The following DIP2B variants were observed in gnomAD, a reference collection of about 807,000 sequenced individuals.
DIP2B encodes DIP2 acetate--CoA ligase B (putative).
A neutral mutation model predicts 198.0 loss-of-function variants in DIP2B; 76 were observed. The observed-to-expected ratio is 0.38, with a 90% CI of 0.32 to 0.46. DIP2B has a LOEUF of 0.46. Among genes scored for constraint, DIP2B ranks in the 20% least tolerant of loss-of-function variants. The probability of loss-of-function intolerance (pLI) is 0.99; values close to 1 mark genes in which losing one functional copy is unlikely to be tolerated. For synonymous variants in DIP2B, 701 were observed against 739.1 expected (o/e 0.95, Z 0.84); for missense variants, 1,559 against 1,978.4 (o/e 0.79, Z 4.02).
intron 4 of DIP2B, among the ~76,000 whole-genome samples, chr12:50,663,536 A>G (rs974753584): frequency 7.3e-5 from 10 of 136,202 alleles, no homozygotes; most frequent in African/African-American, 2.8e-4. Context: ...AGCCTGGGCA[A>G]CAGAGCCAGA....
intron 1 of DIP2B, among the ~76,000 whole-genome samples, chr12:50,532,112 A>G (rs1337387756): frequency 1.3e-5 from 2 of 152,228 alleles, no homozygotes; most frequent in Non-Finnish European, 2.9e-5. Flanking sequence ...CTGCTGAAAC[A>G]GAAGGGAAGA....
Position 50,675,262 on chromosome 12 carries a change from G to A in DIP2B, c.797-67G>A. ...CATCCTTAGAAATAAAAGCTCCTGA[G>A]GGAACTGAGGAACTAAAATATCCTT... On this transcript the variant is annotated intron_variant, in intron 6 of 37. Coordinates refer to ENST00000301180, the MANE Select transcript of DIP2B (RefSeq NM_173602.3). The A allele has an allele frequency of 5.1e-6, 8 of 1,569,320 alleles. No homozygotes were observed. In the South Asian group the frequency reaches 8.3e-5, roughly 16 times the overall value.
intron 19 of DIP2B, among the ~76,000 whole-genome samples, chr12:50,699,771 G>C (rs1939384604): frequency 6.6e-6 from 1 of 151,952 alleles, no homozygotes; most frequent in African/African-American, 2.4e-5. Context: ...GCTGAGGCAG[G>C]AGGATCCCTT....
At chr12:50,714,248 T>C in intron 22 of DIP2B, 147 bp from the exon 23 acceptor site, 1 of 748,376 alleles carries the variant, frequency 1.3e-6, no homozygotes, top group South Asian at 1.8e-5. Flanking sequence ...AATCTCTAGA[T>C]ATATGGAATC....
At chr12:50,553,541 A>G (rs929829403) in intron 1 of DIP2B, among the ~76,000 whole-genome samples, 13 of 152,338 alleles carry the variant, frequency 8.5e-5, no homozygotes, top group African/African-American at 3.1e-4. Flanking sequence ...TGAATTAAGC[A>G]TCTGGAGGCA....
chr12:50,671,521 C>T, intron 5 of DIP2B, 123 bp downstream of exon 5: 1 of 931,084 alleles, frequency 1.1e-6, no homozygotes, highest in South Asian at 1.7e-5. Flanking sequence ...TTAGAGAAAA[C>T]ATGACAGTTA....
chr12:50,642,612 C>G (rs1462592644), intron 3 of DIP2B, among the ~76,000 whole-genome samples: 2 of 152,076 alleles, frequency 1.3e-5, no homozygotes, highest in African/African-American at 4.8e-5. Flanking sequence ...ACAGTGAAAC[C>G]CCATCTCTAT....
intron 1 of DIP2B, among the ~76,000 whole-genome samples, chr12:50,553,575 A>G (rs1472188407): frequency 2.0e-5 from 3 of 152,212 alleles, no homozygotes; most frequent in Non-Finnish European, 4.4e-5. Context: ...CTAAACAGGA[A>G]TGTGATTCTG....
At position 50,724,997 on chromosome 12, in the gene DIP2B, C is replaced by A. The variant is rs904879286; in HGVS notation, c.3400+111C>A. ...ACCCTGCCTTTATGTCTTCTGCCTG[C>A]TAAGACAGAGGCAAAACCTAGGATC... On this transcript the variant is annotated intron_variant, in intron 28 of 37. Coordinates refer to ENST00000301180, the MANE Select transcript of DIP2B (RefSeq NM_173602.3). 17 of 1,096,722 alleles carry A rather than the reference C, an allele frequency of 1.6e-5. No homozygotes were observed. In the African/African-American group the frequency reaches 2.2e-4, roughly 14 times the overall value. 67.9% of individuals were successfully genotyped at this position (1,096,722 alleles called of 1,614,324 possible). A position where few individuals can be genotyped will look rare whatever the true frequency, so the allele number is the denominator to read the frequency against.
At chr12:50,600,894 TCACCACCACCACCACCAC>T (rs34616785) in intron 1 of DIP2B, among the ~76,000 whole-genome samples, 6 of 121,500 alleles carry the variant, frequency 4.9e-5, no homozygotes, top group African/African-American at 1.9e-4. Context: ...ATGACCACCA[TCACCACCACCACCACCAC>T]CACCACCACC....
At position 50,742,107 on chromosome 12, in the gene DIP2B, CTG is replaced by C. The variant is rs1940254812; in HGVS notation, c.4478+571_4478+572del. Among the ~76,000 whole-genome samples the C allele has an allele frequency of 2.0e-5, 3 of 152,120 alleles. No homozygotes were observed. In the South Asian group the frequency reaches 6.2e-4, roughly 32 times the overall value. On this transcript the variant is annotated intron_variant, in intron 37 of 37. Transcript: ENST00000301180. ...TGACTTAAAATCTGTAAAATTAAAACTGTGGTTTGGCCGGCCACAGTGGCTCA... is the reference window on the plus strand; with the variant it reads ...TGACTTAAAATCTGTAAAATTAAAACTGGTTTGGCCGGCCACAGTGGCTCA...
intron 4 of DIP2B, among the ~76,000 whole-genome samples, chr12:50,661,665 CATT>C (rs1170116238): frequency 6.6e-6 from 1 of 152,214 alleles, no homozygotes; most frequent in Non-Finnish European, 1.5e-5. Flanking sequence ...TTCCCTTCCA[CATT>C]AGTACAGCAC....
chr12:50,696,012 A>G, intron 16 of DIP2B, 45 bp downstream of exon 16: 1 of 1,612,070 alleles, frequency 6.2e-7, no homozygotes, highest in Non-Finnish European at 8.5e-7. Flanking sequence ...CTGTGTTTTG[A>G]TAGATTAGGG....
chr12:50,711,293 G>A (rs998726784), intron 22 of DIP2B, among the ~76,000 whole-genome samples: 5 of 152,144 alleles, frequency 3.3e-5, no homozygotes, highest in Non-Finnish European at 7.3e-5. Flanking sequence ...TGAATTCCAG[G>A]TCCGTGTATA....
intron 1 of DIP2B, among the ~76,000 whole-genome samples, chr12:50,602,676 T>C (rs1437492401): frequency 1.9e-4 from 25 of 134,724 alleles, no homozygotes; most frequent in East Asian, 7.0e-4. Flanking sequence ...CTGGCCAACA[T>C]GGTGAAACCA....
intron 1 of DIP2B, 101 bp downstream of exon 1, chr12:50,505,341 G>T: frequency 1.1e-6 from 1 of 943,274 alleles, no homozygotes; most frequent in Non-Finnish European, 1.5e-6. Flanking sequence ...GCGGCGAGGG[G>T]GACGAGGGTG....
chr12:50,525,217 G>A (rs775779307), intron 1 of DIP2B, among the ~76,000 whole-genome samples: 10 of 152,034 alleles, frequency 6.6e-5, no homozygotes, highest in African/African-American at 2.4e-4. Flanking sequence ...AATTAGCTGG[G>A]TGTGGTGTTG....
intron 1 of DIP2B, among the ~76,000 whole-genome samples, chr12:50,531,287 A>G (rs1958214827): frequency 6.6e-6 from 1 of 151,992 alleles, no homozygotes; most frequent in Non-Finnish European, 1.5e-5. Context: ...TGACCTTGTG[A>G]TCCGCCCACC....
At chr12:50,710,417 C>CTGTTT (rs1555194488) in intron 22 of DIP2B, among the ~76,000 whole-genome samples, 1 of 151,520 alleles carries the variant, frequency 6.6e-6, no homozygotes, top group Non-Finnish European at 1.5e-5. Context: ...TGCTAGATGA[C>CTGTTT]TGTTTTGTTT....
Sources: gnomAD v4.1 joint callset for allele counts (sites outside exome capture counted in the v4.1 genomes callset) on GRCh38, gnomAD v4.1.1 for gene constraint, MANE v1.5 for transcripts, NCBI Gene and HGNC (gene_info 2026-07-23, HGNC 2026-07-21) for gene names.